Variants in FBXL7 observed in about 807,000 individuals in gnomAD.
The protein encoded by FBXL7 is F-box and leucine rich repeat protein 7, also known as F-box/LRR-repeat protein 7.
In FBXL7, 12 loss-of-function variants were observed where a neutral mutation model predicts 38.3. The observed-to-expected ratio is 0.31, with a 90% CI of 0.20 to 0.51. The LOEUF is 0.51. Ranked by LOEUF, FBXL7 falls within the 20% of genes least tolerant of loss-of-function variation. The probability of loss-of-function intolerance (pLI) is 0.98; values close to 1 mark genes in which losing one functional copy is unlikely to be tolerated. For synonymous variants in FBXL7, 297 were observed against 300.9 expected, an observed-to-expected ratio of 0.99 and a Z score of 0.13; for missense variants, 567 against 676.4, an observed-to-expected ratio of 0.84 and a Z score of 1.79.
At chr5:15,771,523 T>C (rs1382559889) in intron 2 of FBXL7, among the ~76,000 whole-genome samples, 1 of 152,194 alleles carries the variant, frequency 6.6e-6, no homozygotes, top group Non-Finnish European at 1.5e-5. Flanking sequence ...GGAGTTTATA[T>C]TGAAGCTTGG....
intron 2 of FBXL7, among the ~76,000 whole-genome samples, chr5:15,923,075 C>G (rs542163725): frequency 7.2e-5 from 11 of 152,282 alleles, no homozygotes; most frequent in African/African-American, 2.2e-4. Flanking sequence ...GTCGTAAGAC[C>G]AGGAGGAGGG....
chr5:15,734,208 A>C (rs1418042179), intron 2 of FBXL7, among the ~76,000 whole-genome samples: 1 of 151,640 alleles, frequency 6.6e-6, no homozygotes, highest in African/African-American at 2.4e-5. Flanking sequence ...ACAGCTTTCC[A>C]CAGATCCTGC....
At chr5:15,609,153 T>C (rs369369790) in intron 1 of FBXL7, among the ~76,000 whole-genome samples, 2 of 152,152 alleles carry the variant, frequency 1.3e-5, no homozygotes, top group African/African-American at 4.8e-5. Context: ...CAGTGGCTGA[T>C]GTTTATTACA....
chr5:15,553,576 G>T (rs913107415), intron 1 of FBXL7, among the ~76,000 whole-genome samples: 5 of 152,150 alleles, frequency 3.3e-5, no homozygotes, highest in African/African-American at 1.2e-4. Context: ...TTCATAAATA[G>T]CAGGCACTCA....
At chr5:15,591,200 C>T (rs1252331287) in intron 1 of FBXL7, among the ~76,000 whole-genome samples, 21 of 151,946 alleles carry the variant, frequency 1.4e-4, no homozygotes, top group Non-Finnish European at 8.8e-5. Context: ...GAGGCCGAGG[C>T]GGGTGGATCA....
At chr5:15,540,016 G>T (rs1213810713) in intron 1 of FBXL7, among the ~76,000 whole-genome samples, 1 of 151,714 alleles carries the variant, frequency 6.6e-6, no homozygotes, top group Non-Finnish European at 1.5e-5. Flanking sequence ...AAGTAATTCT[G>T]CCCGATTTGA....
chr5:15,707,173 C>CAT (rs1743708795), intron 2 of FBXL7, among the ~76,000 whole-genome samples: 1 of 39,172 alleles, frequency 2.6e-5, no homozygotes, highest in Non-Finnish European at 5.4e-5. Context: ...TTTTTCTTTT[C>CAT]GTTTTTTTTT....
intron 2 of FBXL7, among the ~76,000 whole-genome samples, chr5:15,706,671 G>A (rs1458811735): frequency 6.6e-6 from 1 of 152,146 alleles, no homozygotes; most frequent in Non-Finnish European, 1.5e-5. Flanking sequence ...GAAAGGATTT[G>A]CTGTTGGAAA....
intron 2 of FBXL7, among the ~76,000 whole-genome samples, chr5:15,634,601 G>A (rs151200496): frequency 5.0e-3 from 766 of 152,166 alleles, no homozygotes; most frequent in Middle Eastern, 0.02. Context: ...GATTACAGGC[G>A]TGAGCCACTG....
chr5:15,688,212 G>T (rs1743077021), intron 2 of FBXL7, among the ~76,000 whole-genome samples: 1 of 152,090 alleles, frequency 6.6e-6, no homozygotes, highest in African/African-American at 2.4e-5. Flanking sequence ...GATACTAAAG[G>T]GGACACGACC....
chr5:15,751,012 A>G (rs1736140958), intron 2 of FBXL7, among the ~76,000 whole-genome samples: 1 of 152,164 alleles, frequency 6.6e-6, no homozygotes, highest in African/African-American at 2.4e-5. Flanking sequence ...ACAGCTTTAT[A>G]CCTGTTCCAT....
chr5:15,764,175 A>C (rs1040067127), intron 2 of FBXL7, among the ~76,000 whole-genome samples: 1 of 152,224 alleles, frequency 6.6e-6, no homozygotes, highest in Non-Finnish European at 1.5e-5. Context: ...CCAAAGATTG[A>C]GTATCAATAT....
chr5:15,662,093 C>T (rs1435305008), intron 2 of FBXL7, among the ~76,000 whole-genome samples: 10 of 152,162 alleles, frequency 6.6e-5, no homozygotes, highest in Admixed American at 1.3e-4. Flanking sequence ...TTTTAGGAAT[C>T]GCCATATTGC....
intron 1 of FBXL7, among the ~76,000 whole-genome samples, chr5:15,520,427 CTG>C (rs1478816957): frequency 6.6e-6 from 1 of 152,144 alleles, no homozygotes; most frequent in East Asian, 1.9e-4. Flanking sequence ...TTTCATTGTT[CTG>C]AGAGCCCTCA....
chr5:15,846,243 C>T (rs1738899835), intron 2 of FBXL7, among the ~76,000 whole-genome samples: 1 of 152,174 alleles, frequency 6.6e-6, no homozygotes, highest in African/African-American at 2.4e-5. Context: ...CTTATAAATT[C>T]ATCTCATCTT....
intron 2 of FBXL7, among the ~76,000 whole-genome samples, chr5:15,674,058 GTT>G (rs1742573722): frequency 6.6e-6 from 1 of 152,200 alleles, no homozygotes; most frequent in Non-Finnish European, 1.5e-5. Context: ...TTTCAGGTTA[GTT>G]CAAAAAGAGC....
At chr5:15,579,559 T>C (rs1435081539) in intron 1 of FBXL7, among the ~76,000 whole-genome samples, 2 of 152,234 alleles carry the variant, frequency 1.3e-5, no homozygotes, top group African/African-American at 4.8e-5. Context: ...ATAAGATGAT[T>C]CTGGTCTGTT....
At chr5:15,601,452 C>T (rs192370756) in intron 1 of FBXL7, among the ~76,000 whole-genome samples, 150 of 152,268 alleles carry the variant, frequency 9.9e-4, no homozygotes, top group Non-Finnish European at 1.7e-3. Context: ...TGTCAGCAGC[C>T]GCAGCAGCAT....
rs533565996 is a variant in FBXL7, at chr5:15,834,077, G to C, written c.128-93813G>C. ...CTGTAAATAAAACATTATTGTATTT[G>C]TTAGTGTATTTTCTTTTTCCAGAAA... On this transcript the variant is annotated intron_variant, in intron 2 of 3. Coordinates refer to ENST00000504595, the MANE Select transcript of FBXL7 (RefSeq NM_012304.5). Among the ~76,000 whole-genome samples, 3 of 152,188 alleles carry C rather than the reference G, an allele frequency of 2.0e-5. No homozygotes were observed. The East Asian group carries it at 5.8e-4, about 29-fold the overall frequency.
Sources: gnomAD v4.1 joint callset for allele counts (sites outside exome capture counted in the v4.1 genomes callset) on GRCh38, gnomAD v4.1.1 for gene constraint, MANE v1.5 for transcripts, NCBI Gene and HGNC (gene_info 2026-07-23, HGNC 2026-07-21) for gene names.